ACSS3: variants seen among roughly 807,000 people sequenced by gnomAD.
ACSS3 encodes the protein acyl-CoA synthetase short chain family member 3, also known as acyl-CoA synthetase short-chain family member 3, mitochondrial.
A neutral mutation model predicts 84.2 loss-of-function variants in ACSS3; 64 were observed. The ratio of observed to expected loss-of-function variants is 0.76; its 90% CI spans 0.62 to 0.94. ACSS3 has a LOEUF of 0.94. Among genes scored for constraint, ACSS3 ranks in the 40% least tolerant of loss-of-function variants. ACSS3 has a pLI of 0.00. For synonymous variants in ACSS3, 317 were observed against 310.1 expected, an observed-to-expected ratio of 1.02 and a Z score of -0.23; for missense variants, 815 against 867.6, an observed-to-expected ratio of 0.94 and a Z score of 0.76.
At chr12:81,202,949 T>G (rs1281470661) in intron 9 of ACSS3, among the ~76,000 whole-genome samples, 1 of 152,144 alleles carries the variant, frequency 6.6e-6, no homozygotes, top group Non-Finnish European at 1.5e-5. Context: ...GGATACTTTT[T>G]AGAGAGATTG....
intron 7 of ACSS3, among the ~76,000 whole-genome samples, chr12:81,163,018 G>A (rs1292882156): frequency 6.6e-6 from 1 of 152,034 alleles, no homozygotes; most frequent in Non-Finnish European, 1.5e-5. Context: ...GGATGGCTGG[G>A]TGGCTGCAGC....
At chr12:81,236,589 C>T (rs1475891286) in intron 13 of ACSS3, among the ~76,000 whole-genome samples, 1 of 151,404 alleles carries the variant, frequency 6.6e-6, no homozygotes, top group Non-Finnish European at 1.5e-5. Flanking sequence ...TCCAATCTGG[C>T]AATCTCCATC....
intron 7 of ACSS3, among the ~76,000 whole-genome samples, chr12:81,152,876 A>G (rs1886677994): frequency 1.3e-5 from 2 of 152,312 alleles, no homozygotes; most frequent in South Asian, 4.1e-4. Context: ...AAATAGGGAA[A>G]ACTTGGGTTA....
chr12:81,211,652 C>T (rs1174617022), intron 9 of ACSS3, among the ~76,000 whole-genome samples: 1 of 152,148 alleles, frequency 6.6e-6, no homozygotes, highest in Admixed American at 6.5e-5. Context: ...TCTGCATTTC[C>T]TACTACACAT....
chr12:81,201,837 C>T (rs981908542), intron 9 of ACSS3, among the ~76,000 whole-genome samples: 3 of 152,062 alleles, frequency 2.0e-5, no homozygotes, highest in Non-Finnish European at 4.4e-5. Context: ...AGCTAGATCG[C>T]TAGATTATTT....
intron 1 of ACSS3, chr12:81,104,892 A>G (rs886382821): frequency 1.3e-5 from 2 of 152,158 alleles, no homozygotes; most frequent in Non-Finnish European, 2.9e-5. Context: ...ATTTTTATAG[A>G]TTTAGAAGGT....
At chr12:81,090,873 C>T (rs1446881845) in intron 1 of ACSS3, among the ~76,000 whole-genome samples, 1 of 152,002 alleles carries the variant, frequency 6.6e-6, no homozygotes, top group Non-Finnish European at 1.5e-5. Context: ...CCTGCAGATA[C>T]CAAAATCTGC....
intron 8 of ACSS3, among the ~76,000 whole-genome samples, chr12:81,196,100 T>C (rs1273257625): frequency 1.3e-5 from 2 of 152,232 alleles, no homozygotes; most frequent in Non-Finnish European, 2.9e-5. Context: ...CCCACACATG[T>C]ACATGCATAC....
At chr12:81,198,872 C>A (rs1160667469) in intron 8 of ACSS3, among the ~76,000 whole-genome samples, 1 of 152,152 alleles carries the variant, frequency 6.6e-6, no homozygotes, top group Non-Finnish European at 1.5e-5. Flanking sequence ...TAATCTTTAT[C>A]ATAGGATCTC....
At chr12:81,136,850 T>G (rs1004018906) in intron 3 of ACSS3, among the ~76,000 whole-genome samples, 4 of 152,068 alleles carry the variant, frequency 2.6e-5, no homozygotes, top group African/African-American at 7.2e-5. Context: ...ATAAAAACCT[T>G]TGATAGGTGG....
In ACSS3 at chr12:81,254,919, A is replaced by G. The variant is rs751353032; in HGVS notation, c.2058A>G (p.Ala686=). 1.2e-6 allele frequency: 2 copies of G among 1,602,090 alleles called. No individual in the cohort carries two copies. Among genetic ancestry groups the G allele is most frequent in the Non-Finnish European group, 1.7e-6 (2 of 1,173,890 alleles). Residue 686 remains alanine (A), a synonymous_variant, in exon 16 of 16, where the codon GCA becomes GCG. Transcript: ENST00000548058. ...FGHVEEMLKQ[A] ...ACGTAGAAGAAATGCTGAAGCAAGC[A>G]TAATGAGTTTGTCTTATTCCTATTT...
At position 81,174,971 on chromosome 12, in the gene ACSS3, T is replaced by C. The variant is rs770330407; in HGVS notation, c.1250+32T>C. On this transcript the variant is annotated intron_variant, in intron 8 of 15. Transcript: ENST00000548058. ...TTGGGATGCACAGGGCAAATGACAT[T>C]AGAAAGTGCAATCAAAATGAATAAG... 48 of 1,599,874 alleles carry C rather than the reference T, an allele frequency of 3.0e-5. 1 individual carries two copies. The highest frequency in any genetic ancestry group is 3.9e-5 in the Non-Finnish European group (46 of 1,171,082).
chr12:81,152,184 T>C (rs2135755454), intron 7 of ACSS3, 88 bp downstream of exon 7: 3 of 1,085,332 alleles, frequency 2.8e-6, no homozygotes, highest in Non-Finnish European at 4.0e-6. Context: ...ATCAGAAAAA[T>C]TGGGGTGGGG....
intron 9 of ACSS3, among the ~76,000 whole-genome samples, chr12:81,208,241 C>A (rs988495896): frequency 3.6e-4 from 55 of 152,124 alleles, no homozygotes; most frequent in Non-Finnish European, 8.1e-4. Flanking sequence ...GTCTTCCACT[C>A]GCAGCATGGA....
At chr12:81,143,479 C>T (rs1886188957) in intron 5 of ACSS3, 1 of 326,288 alleles carries the variant, frequency 3.1e-6, no homozygotes, top group Non-Finnish European at 5.5e-6. Context: ...AATATAAAAA[C>T]ATTTATTATT....
intron 9 of ACSS3, among the ~76,000 whole-genome samples, chr12:81,200,889 C>CAAAAAAAAAAAAAAAA (rs35916130): frequency 1.8e-5 from 1 of 56,516 alleles, no homozygotes; most frequent in Admixed American, 2.0e-4. Flanking sequence ...GCAAGACTGT[C>CAAAAAAAAAAAAAAAA]AAAAAAAAAA....
chr12:81,144,838 A>G (rs1015711759), intron 5 of ACSS3, among the ~76,000 whole-genome samples: 1 of 151,806 alleles, frequency 6.6e-6, no homozygotes, highest in African/African-American at 2.4e-5. Context: ...ACAGAGCATT[A>G]TATTGAAAAG....
intron 1 of ACSS3, among the ~76,000 whole-genome samples, chr12:81,088,959 G>T (rs1051571625): frequency 1.3e-5 from 2 of 151,880 alleles, no homozygotes; most frequent in Admixed American, 6.6e-5. Flanking sequence ...CAGTCCTAAA[G>T]GTGGGAGGAA....
intron 5 of ACSS3, among the ~76,000 whole-genome samples, chr12:81,143,767 T>C (rs1028839340): frequency 6.6e-6 from 1 of 152,188 alleles, no homozygotes; most frequent in Non-Finnish European, 1.5e-5. Flanking sequence ...TCCAAAGTAT[T>C]GAACTATTTG....
Sources: allele counts gnomAD v4.1 joint callset (sites outside exome capture counted in the v4.1 genomes callset), GRCh38; gene constraint gnomAD v4.1.1; transcripts MANE v1.5; gene names NCBI Gene and HGNC (gene_info 2026-07-23, HGNC 2026-07-21).